Variants in GGCX observed in about 807,000 individuals in gnomAD.
GGCX encodes vitamin K-dependent gamma-carboxylase.
GGCX carries 63 observed loss-of-function variants against 88.5 expected under a neutral mutation model. That is an observed-to-expected ratio of 0.71 (90% CI 0.58 to 0.88). GGCX has a LOEUF of 0.88. Ranked by LOEUF, GGCX falls within the 40% of genes least tolerant of loss-of-function variation. GGCX has a pLI of 0.00. For synonymous variants in GGCX, 368 were observed against 365.8 expected, an observed-to-expected ratio of 1.01 and a Z score of -0.07; for missense variants, 805 against 932.9, an observed-to-expected ratio of 0.86 and a Z score of 1.79.
chr2:85,546,319 A>C lies in GGCX; in HGVS notation c.*3615T>G, dbSNP rs1691662091. 6.6e-6 allele frequency: 1 copy of C among 152,248 alleles called. No individual in the cohort carries two copies. The highest frequency in any genetic ancestry group is 2.1e-4 in the South Asian group (1 of 4,830). The allele number at this position is 152,248 out of a possible 1,614,324, so 9.4% of individuals were successfully genotyped here. On this transcript the variant is annotated 3_prime_UTR_variant, in exon 15 of 15. Transcript: ENST00000233838. ...GCACCTGTAGTCCCAGCTACTCAGGAGGCCGAGGCAGGAGAATGGCGTGAA... is the reference window on the plus strand; with the variant it reads ...GCACCTGTAGTCCCAGCTACTCAGGCGGCCGAGGCAGGAGAATGGCGTGAA...
intron 7 of GGCX, chr2:85,553,789 C>T (rs527482995): frequency 1.6e-4 from 76 of 466,524 alleles, no homozygotes; most frequent in African/African-American, 1.0e-3. Context: ...TTAGTAGAGA[C>T]GGGGTTTCAC....
intron 2 of GGCX, among the ~76,000 whole-genome samples, chr2:85,560,036 T>C (rs1334611073): frequency 6.6e-6 from 1 of 152,172 alleles, no homozygotes; most frequent in African/African-American, 2.4e-5. Context: ...AAAATGTCTC[T>C]AAACATTGCC....
intron 7 of GGCX, 73 bp from the exon 8 acceptor site, chr2:85,553,570 C>A: frequency 1.4e-6 from 2 of 1,414,728 alleles, no homozygotes; most frequent in Non-Finnish European, 2.0e-6. Context: ...CCTTAGGAGA[C>A]TTCTCCCAGG....
chr2:85,560,599 G>A (rs1692396840), intron 2 of GGCX, among the ~76,000 whole-genome samples: 1 of 149,236 alleles, frequency 6.7e-6, no homozygotes, highest in South Asian at 2.1e-4. Flanking sequence ...GCGAAAGTCC[G>A]TCTAAGGAAA....
rs759825656 is a variant in GGCX at position 85,561,443 on chromosome 2, G to A, written c.-15C>T. 234 of 1,565,662 alleles carry A rather than the reference G, an allele frequency of 1.5e-4. No individual in the cohort carries two copies. Among genetic ancestry groups the A allele is most frequent in the Non-Finnish European group, 1.8e-4 (212 of 1,154,278 alleles). Reference sequence around the variant, plus strand: ...GACACCGCCATTGCTCTGCGGAGGAGGCAGGTGGGTCACAGCTGCCGCGTC... The same window carrying A: ...GACACCGCCATTGCTCTGCGGAGGAAGCAGGTGGGTCACAGCTGCCGCGTC... On this transcript the variant is annotated 5_prime_UTR_variant, in exon 1 of 15. Coordinates refer to ENST00000233838, the MANE Select transcript of GGCX (RefSeq NM_000821.7).
intron 2 of GGCX, among the ~76,000 whole-genome samples, chr2:85,560,428 AAC>A (rs916610045): frequency 6.6e-6 from 1 of 151,982 alleles, no homozygotes; most frequent in African/African-American, 2.4e-5. Context: ...CTCTACTAAA[AAC>A]ACACATACAA....
Position 85,560,900 on chromosome 2 carries a change from T to C in GGCX, c.129A>G (p.Thr43=). The C allele has an allele frequency of 1.2e-6, 2 of 1,613,948 alleles. No homozygotes were observed. Among genetic ancestry groups the C allele is most frequent in the South Asian group, 1.1e-5 (1 of 91,088 alleles). The change falls in exon 2 of 15, where the codon ACA becomes ACG. Residue 43 remains threonine (T), a synonymous_variant. Coordinates refer to ENST00000233838, the MANE Select transcript of GGCX (RefSeq NM_000821.7). ...RIGKLLGFEW[T]DLSSWRRLVT... ...CCAGCCTCCGCCAACTGGACAAATC[T>C]GTCCACTCAAAACCCAAGAGTTTCC...
chr2:85,552,715 T>A, intron 9 of GGCX, 148 bp from the exon 10 acceptor site: 1 of 996,138 alleles, frequency 1.0e-6, no homozygotes, highest in Non-Finnish European at 1.6e-6. Context: ...AATTTTTCAT[T>A]GTTGGGCTAG....
rs570787631 is a variant in GGCX, at chr2:85,546,284, A to G, written c.*3650T>C. 25 of 152,308 alleles carry G rather than the reference A, an allele frequency of 1.6e-4. No individual in the cohort carries two copies. Among genetic ancestry groups the G allele is most frequent in the African/African-American group, 5.8e-4 (24 of 41,552 alleles). 9.4% of individuals were successfully genotyped at this position (152,308 alleles called of 1,614,324 possible). On this transcript the variant is annotated 3_prime_UTR_variant, in exon 15 of 15. Coordinates refer to ENST00000233838, the MANE Select transcript of GGCX (RefSeq NM_000821.7). ...CCTGTCTCTACTAAAAATATAAAAA[A>G]GTTAGCCAGGCACCTGTAGTCCCAG...
Position 85,558,558 on chromosome 2 carries a change from A to G in GGCX, c.421T>C (p.Leu141=), listed in dbSNP as rs1692302521. 6.2e-7 allele frequency: 1 copy of G among 1,613,430 alleles called. No homozygotes were observed. Among genetic ancestry groups the G allele is most frequent in the East Asian group, 2.2e-5 (1 of 44,890 alleles). ...ACATACCAGTATGGCAGCAGGAATAACACACAGCTTATCCGGTAGCACAGG... is the reference window on the plus strand; with the variant it reads ...ACATACCAGTATGGCAGCAGGAATAGCACACAGCTTATCCGGTAGCACAGG... The part of the protein sequence containing the change: ...LGLCYRISCV[L]FLLPYWYVFL... Residue 141 remains leucine, a synonymous_variant, in exon 4 of 15, where the codon TTA becomes CTA. Transcript: ENST00000233838.
At position 85,549,842 on chromosome 2, in the gene GGCX, A is replaced by C; in HGVS notation, c.*92T>G. On this transcript the variant is annotated 3_prime_UTR_variant, in exon 15 of 15. Transcript: ENST00000233838. The stretch of plus-strand genomic sequence containing the variant: ...CCGCCCCCCCAAAAAAAAAAAAAAA[A>C]CTTTTGAGAATTTTTTTCAAATAAA... 1.4e-6 allele frequency: 1 copy of C among 705,986 alleles called. No homozygotes were observed. The allele number at this position is 705,986 out of a possible 1,614,324, so 43.7% of individuals were successfully genotyped here.
chr2:85,559,124 A>G, intron 2 of GGCX, 49 bp from the exon 3 acceptor site: 2 of 1,456,254 alleles, frequency 1.4e-6, no homozygotes, highest in Non-Finnish European at 1.9e-6. Context: ...CTAAGGAAGC[A>G]GTAGAATACA....
rs1691647308 is a variant in GGCX, at chr2:85,546,080, G to T, written c.*3854C>A. On this transcript the variant is annotated 3_prime_UTR_variant, in exon 15 of 15. Transcript: ENST00000233838. ...GCTTGTCCTGCAAATGTAGAGCCAA[G>T]GAGTGCTTGCTTATGCCTGTTTGCA... The T allele has an allele frequency of 6.6e-6, 1 of 152,212 alleles. No homozygotes were observed. Among genetic ancestry groups the T allele is most frequent in the Non-Finnish European group, 1.5e-5 (1 of 68,046 alleles). The allele number at this position is 152,212 out of a possible 1,614,324, so 9.4% of individuals were successfully genotyped here.
chr2:85,557,171 G>A (rs1692235958), intron 4 of GGCX, among the ~76,000 whole-genome samples: 3 of 152,084 alleles, frequency 2.0e-5, no homozygotes, highest in South Asian at 4.1e-4. Flanking sequence ...GACCTTACAG[G>A]GTTTTAATGA....
rs1691617723 is a variant in GGCX at position 85,545,531 on chromosome 2, A to G, written c.*4403T>C. The G allele has an allele frequency of 6.6e-6, 1 of 152,224 alleles. No homozygotes were observed. The highest frequency in any genetic ancestry group is 2.1e-4 in the South Asian group (1 of 4,834). 9.4% of individuals were successfully genotyped at this position (152,224 alleles called of 1,614,324 possible). Reference sequence around the variant, plus strand: ...CTTGAATTGTAATCCATAATTAGCCATAATTCAGGAAAATAACCTCAATCC... The same window carrying G: ...CTTGAATTGTAATCCATAATTAGCCGTAATTCAGGAAAATAACCTCAATCC... On this transcript the variant is annotated 3_prime_UTR_variant, in exon 15 of 15. Transcript: ENST00000233838.
rs769859487 is a variant in GGCX, at chr2:85,560,900, T to G, written c.129A>C (p.Thr43=). Residue 43 remains threonine, a synonymous_variant, in exon 2 of 15, where the codon ACA becomes ACC. Coordinates refer to ENST00000233838, the MANE Select transcript of GGCX (RefSeq NM_000821.7). ...CCAGCCTCCGCCAACTGGACAAATC[T>G]GTCCACTCAAAACCCAAGAGTTTCC... The part of the protein sequence containing the change: ...RIGKLLGFEW[T]DLSSWRRLVT... 3.7e-6 allele frequency: 6 copies of G among 1,613,948 alleles called. No homozygotes were observed. The South Asian group carries it at 6.6e-5, about 18-fold the overall frequency.
chr2:85,551,378 G>A, intron 12 of GGCX, 102 bp downstream of exon 12: 3 of 1,188,566 alleles, frequency 2.5e-6, no homozygotes, highest in Non-Finnish European at 3.8e-6. Context: ...CAGGCTCACT[G>A]TGAATTCCTG....
At position 85,553,484 on chromosome 2, in the gene GGCX, G is replaced by A. The variant is rs751710756; in HGVS notation, c.903C>T (p.Tyr301=). The A allele has an allele frequency of 1.1e-5, 18 of 1,613,722 alleles. No homozygotes were observed. In the East Asian group the frequency reaches 1.3e-4, roughly 12 times the overall value. ...AGAGAGGGCTGCTGGCCAGCATGACGTAGGAGAACATACCTAGGAAAGCAG... is the reference window on the plus strand; with the variant it reads ...AGAGAGGGCTGCTGGCCAGCATGACATAGGAGAACATACCTAGGAAAGCAG... ...SQLFSIGMFS[Y]VMLASSPLFC... Residue 301 remains tyrosine (Y), a synonymous_variant, in exon 8 of 15, where the codon TAC becomes TAT. Coordinates refer to ENST00000233838, the MANE Select transcript of GGCX (RefSeq NM_000821.7).
rs1691786931 is a variant in GGCX, at chr2:85,548,727, GC to G, written c.*1206del. On this transcript the variant is annotated 3_prime_UTR_variant, in exon 15 of 15. Coordinates refer to ENST00000233838, the MANE Select transcript of GGCX (RefSeq NM_000821.7). ...CTGCATTCTCGCTTCCTAGCTCAGT[GC>G]CAACCCTTTGAATTTTCACTGAACT... 6.6e-6 allele frequency: 1 copy of G among 152,144 alleles called. No homozygotes were observed. The allele number at this position is 152,144 out of a possible 1,614,324, so 9.4% of individuals were successfully genotyped here. A position where few individuals can be genotyped will look rare whatever the true frequency, so the allele number is the denominator to read the frequency against.
Sources: gnomAD v4.1 joint callset for allele counts (sites outside exome capture counted in the v4.1 genomes callset) on GRCh38, gnomAD v4.1.1 for gene constraint, MANE v1.5 for transcripts, NCBI Gene and HGNC (gene_info 2026-07-23, HGNC 2026-07-21) for gene names.